Variants in ERG observed in about 807,000 individuals in gnomAD.
ERG encodes transcriptional regulator ERG.
ERG carries 9 observed loss-of-function variants against 55.3 expected under a neutral mutation model. The observed-to-expected ratio is 0.16, with a 90% CI of 0.10 to 0.28. The LOEUF (loss-of-function observed/expected upper bound fraction) is 0.28, where lower values mean the gene tolerates loss of function less well. Ranked by LOEUF, ERG falls within the 10% of genes least tolerant of loss-of-function variation. The pLI, the probability that ERG is intolerant of heterozygous loss-of-function variation, is 1.00. For missense variants in ERG, 434 were observed against 631.6 expected, an observed-to-expected ratio of 0.69 and a Z score of 3.35; for synonymous variants, 223 against 237.3, an observed-to-expected ratio of 0.94 and a Z score of 0.55.
chr21:38,387,903 T>C (rs529298569), intron 9 of ERG, among the ~76,000 whole-genome samples: 2 of 152,324 alleles, frequency 1.3e-5, no homozygotes, highest in Non-Finnish European at 2.9e-5. Context: ...ACTGACTTAT[T>C]TTGCTTAGCG....
At chr21:38,635,284 G>A (rs973752644) in intron 1 of ERG, among the ~76,000 whole-genome samples, 2 of 151,972 alleles carry the variant, frequency 1.3e-5, no homozygotes, top group African/African-American at 2.4e-5. Context: ...TAATAGTATA[G>A]CCTACTGTAA....
chr21:38,549,709 G>T (rs2059811601), intron 2 of ERG, among the ~76,000 whole-genome samples: 1 of 150,238 alleles, frequency 6.7e-6, no homozygotes, highest in Admixed American at 6.7e-5. Context: ...ATACAGAAAT[G>T]AATATCTTCC....
intron 1 of ERG, among the ~76,000 whole-genome samples, chr21:38,634,277 G>A (rs753823360): frequency 3.9e-5 from 6 of 152,142 alleles, no homozygotes; most frequent in Admixed American, 3.9e-4. Context: ...CCCATTATGA[G>A]CAAAAGTCGC....
At chr21:38,654,149 T>G (rs915621472) in intron 1 of ERG, among the ~76,000 whole-genome samples, 3 of 152,266 alleles carry the variant, frequency 2.0e-5, no homozygotes, top group Non-Finnish European at 4.4e-5. Flanking sequence ...TTAAGAGATA[T>G]TCGATCTTCA....
intron 1 of ERG, among the ~76,000 whole-genome samples, chr21:38,622,418 TCACA>T (rs972391746): frequency 2.5e-5 from 2 of 79,426 alleles, no homozygotes; most frequent in South Asian, 4.1e-4. Flanking sequence ...CTCATACATA[TCACA>T]CACACACACA....
chr21:38,410,630 A>T (rs1005716235), intron 3 of ERG, among the ~76,000 whole-genome samples: 1 of 152,228 alleles, frequency 6.6e-6, no homozygotes, highest in African/African-American at 2.4e-5. Flanking sequence ...ATTTCCATGA[A>T]ACAGGATTCT....
chr21:38,557,038 G>A (rs2059862753), intron 2 of ERG, among the ~76,000 whole-genome samples: 1 of 152,122 alleles, frequency 6.6e-6, no homozygotes. Flanking sequence ...GGGTCTTCCA[G>A]GTTCTGCCAC....
chr21:38,608,067 TAAC>T (rs1272635760), intron 1 of ERG, among the ~76,000 whole-genome samples: 1 of 152,318 alleles, frequency 6.6e-6, no homozygotes, highest in East Asian at 1.9e-4. Flanking sequence ...AAGTTGACAG[TAAC>T]AACTACAAAT....
chr21:38,510,616 GCTT>G (rs2059504412), intron 2 of ERG, among the ~76,000 whole-genome samples: 1 of 152,268 alleles, frequency 6.6e-6, no homozygotes. Context: ...CATACCTTGT[GCTT>G]CTTTGTCAGT....
chr21:38,605,417 C>A (rs969930600), intron 1 of ERG, among the ~76,000 whole-genome samples: 1 of 152,170 alleles, frequency 6.6e-6, no homozygotes, highest in African/African-American at 2.4e-5. Flanking sequence ...ATTCCAATTA[C>A]AAGCACGTTG....
intron 1 of ERG, among the ~76,000 whole-genome samples, chr21:38,497,099 A>T (rs1383962854): frequency 6.6e-6 from 1 of 152,244 alleles, no homozygotes; most frequent in Non-Finnish European, 1.5e-5. Flanking sequence ...AGAAAAGTAT[A>T]AGGTGAAAGT....
At chr21:38,481,938 T>C (rs1003558431) in intron 1 of ERG, among the ~76,000 whole-genome samples, 2 of 152,244 alleles carry the variant, frequency 1.3e-5, no homozygotes, top group Non-Finnish European at 2.9e-5. Context: ...CAAAGTTGAA[T>C]ATTTCAATGA....
chr21:38,444,168 T>C (rs2058867859), intron 2 of ERG, among the ~76,000 whole-genome samples: 1 of 152,202 alleles, frequency 6.6e-6, no homozygotes, highest in Non-Finnish European at 1.5e-5. Context: ...TAAACCTTTT[T>C]AGCGTTAAAA....
chr21:38,603,035 C>T lies in ERG; in HGVS notation c.-149-18090G>A, dbSNP rs532009053. ...CTCAGACAGATTTCAAGCAGGAGCA[C>T]AGGCAAGGTAATGTTCAAAATCCTG... On this transcript the variant is annotated intron_variant, in intron 1 of 10. Transcript: ENST00000398910. Among the ~76,000 whole-genome samples, 42 of 151,870 alleles carry T rather than the reference C, an allele frequency of 2.8e-4. No homozygotes were observed. The South Asian group carries it at 8.1e-3, about 29-fold the overall frequency.
intron 1 of ERG, among the ~76,000 whole-genome samples, chr21:38,479,260 A>C (rs150508092): frequency 0.012 from 1,792 of 152,286 alleles, 41 homozygotes; most frequent in African/African-American, 0.042. Context: ...TCTTGCCATC[A>C]GGACCTGGTC....
intron 9 of ERG, among the ~76,000 whole-genome samples, chr21:38,386,123 G>A (rs1478992606): frequency 6.6e-6 from 1 of 152,200 alleles, no homozygotes; most frequent in Non-Finnish European, 1.5e-5. Flanking sequence ...TTTCTGAAGA[G>A]TTAGAAAGCA....
intron 2 of ERG, among the ~76,000 whole-genome samples, chr21:38,564,469 G>T (rs2059910668): frequency 6.6e-6 from 1 of 152,084 alleles, no homozygotes; most frequent in Non-Finnish European, 1.5e-5. Context: ...TTACATAGCT[G>T]AGGGGAACTA....
chr21:38,619,528 A>G (rs952025414), intron 1 of ERG, among the ~76,000 whole-genome samples: 1 of 152,228 alleles, frequency 6.6e-6, no homozygotes, highest in Non-Finnish European at 1.5e-5. Flanking sequence ...AAAAAATGGC[A>G]CAGGAGATCT....
chr21:38,573,645 T>G (rs989308550), intron 2 of ERG, among the ~76,000 whole-genome samples: 19 of 152,222 alleles, frequency 1.2e-4, no homozygotes, highest in Non-Finnish European at 2.2e-4. Flanking sequence ...TTCTCCTTAT[T>G]ATCACCCTGC....
Sources: allele counts gnomAD v4.1 joint callset (sites outside exome capture counted in the v4.1 genomes callset), GRCh38; gene constraint gnomAD v4.1.1; transcripts MANE v1.5; gene names NCBI Gene and HGNC (gene_info 2026-07-23, HGNC 2026-07-21).